The following IL17RE variants were observed in gnomAD, a reference collection of about 807,000 sequenced individuals.
IL17RE encodes the protein interleukin-17 receptor E.
Under a neutral mutation model 70.7 loss-of-function variants are expected in IL17RE, and 47 were observed. The ratio of observed to expected loss-of-function variants is 0.67; its 90% CI spans 0.53 to 0.85. IL17RE has a LOEUF of 0.85. IL17RE is among the 40% of genes least tolerant of loss of function. The probability of loss-of-function intolerance (pLI) is 0.00; values close to 1 mark genes in which losing one functional copy is unlikely to be tolerated. For synonymous variants in IL17RE, 372 were observed against 381.2 expected (o/e 0.98, Z 0.28); for missense variants, 850 against 893.9 (o/e 0.95, Z 0.63).
At chr3:9,913,382 C>A (rs557471134) in intron 12 of IL17RE, among the ~76,000 whole-genome samples, 7 of 151,084 alleles carry the variant, frequency 4.6e-5, no homozygotes, top group Non-Finnish European at 1.0e-4. Flanking sequence ...CCAGCCTGCA[C>A]GACGGAGCAA....
At chr3:9,902,670 A>G (rs1324569654), upstream of IL17RE, 2 of 1,536,022 alleles carry the variant, frequency 1.3e-6, no homozygotes, top group Non-Finnish European at 1.7e-6. Context: ...TCTCACCCAC[A>G]GCAGGAGCCC....
chr3:9,906,474 T>A lies in IL17RE; in HGVS notation c.366+13T>A. On this transcript the variant is annotated intron_variant, in intron 4 of 15. Coordinates refer to ENST00000383814, the MANE Select transcript of IL17RE (RefSeq NM_153480.2). ...AGCACCTGCTCAGGTACTCTCCCTG[T>A]CAGTTCCAGCCCTACCTGACGCCCC... The A allele has an allele frequency of 4.4e-6, 7 of 1,587,432 alleles. No homozygotes were observed. The highest frequency in any genetic ancestry group is 6.1e-6 in the Non-Finnish European group (7 of 1,156,136).
rs1360391282 is a variant in IL17RE, at chr3:9,909,373, A to ACC, written c.802+93_802+94dup. 99 of 1,069,146 alleles carry ACC rather than the reference A, an allele frequency of 9.3e-5. No homozygotes were observed. In the African/African-American group the frequency reaches 9.9e-4, roughly 11 times the overall value. 66.2% of individuals were successfully genotyped at this position (1,069,146 alleles called of 1,614,324 possible). ...CACATGTACACACACACACACACAC[A>ACC]CCCCGCACTTCACACATGTGCTGGG... On this transcript the variant is annotated intron_variant, in intron 8 of 15. Transcript: ENST00000383814.
Position 9,914,566 on chromosome 3 carries a change from C to T in IL17RE, c.1315C>T (p.Gln439Ter), listed in dbSNP as rs2082967947. Residue 439 changes from glutamine (Q) to a stop codon, truncating the protein, a stop_gained, in exon 14 of 16, where the codon CAG becomes TAG. Coordinates refer to ENST00000383814, the MANE Select transcript of IL17RE (RefSeq NM_153480.2). LOFTEE classifies it high-confidence loss of function. ...CCCTCAGGTGTGGCGGTCAGATGTC[C>T]AGTTTGCCTGGAAGCACCTCTTGTG... Reference protein sequence around the residue: ...CCVLVWRSDVQFAWKHLLCPD... With the variant: ...CCVLVWRSDV 6.2e-7 allele frequency: 1 copy of T among 1,613,860 alleles called. No individual in the cohort carries two copies. Among genetic ancestry groups the T allele is most frequent in the African/African-American group, 1.3e-5 (1 of 74,930 alleles).
At chr3:9,905,833 T>C (rs1188282065) in intron 3 of IL17RE, among the ~76,000 whole-genome samples, 2 of 151,468 alleles carry the variant, frequency 1.3e-5, no homozygotes, top group Admixed American at 6.6e-5. Context: ...AAAATAAAAA[T>C]TAAAGAATGC....
At chr3:9,908,006 A>G (rs1043923923) in intron 6 of IL17RE, among the ~76,000 whole-genome samples, 4 of 152,212 alleles carry the variant, frequency 2.6e-5, no homozygotes, top group African/African-American at 4.8e-5. Flanking sequence ...TAGGGCCTCA[A>G]TAAAGGAATG....
chr3:9,909,449 A>G (rs2125083544), intron 8 of IL17RE, 166 bp downstream of exon 8: 1 of 658,978 alleles, frequency 1.5e-6, no homozygotes, highest in Admixed American at 2.4e-5. Flanking sequence ...AGTGGGGGGA[A>G]AAGGGCTGCC....
intron 12 of IL17RE, among the ~76,000 whole-genome samples, chr3:9,912,205 G>T (rs934474896): frequency 7.9e-5 from 12 of 152,254 alleles, no homozygotes; most frequent in African/African-American, 2.9e-4. Context: ...AATGCCTGAT[G>T]ATCTAAGGTG....
intron 12 of IL17RE, among the ~76,000 whole-genome samples, chr3:9,913,031 A>T (rs993185662): frequency 2.6e-5 from 4 of 152,250 alleles, no homozygotes; most frequent in African/African-American, 4.8e-5. Flanking sequence ...TAGTTTATTT[A>T]AAAAGACATT....
At chr3:9,910,621 G>C (rs903441956) in intron 8 of IL17RE, among the ~76,000 whole-genome samples, 2 of 152,160 alleles carry the variant, frequency 1.3e-5, no homozygotes, top group African/African-American at 4.8e-5. Context: ...GGACACAGAG[G>C]TTGCAGTGAG....
rs769130855 is a variant in IL17RE at position 9,914,589 on chromosome 3, G to A, written c.1338G>A (p.Leu446=). ...SDVQFAWKHL[L]CPDVSYRHLG... The stretch of plus-strand genomic sequence containing the variant: ...TCCAGTTTGCCTGGAAGCACCTCTT[G>A]TGTCCGGATGGTGAGTTCTTGGGGA... The change falls in exon 14 of 16, where the codon TTG becomes TTA. Residue 446 remains leucine, a synonymous_variant. Transcript: ENST00000383814. 1 of 1,614,008 alleles carries A rather than the reference G, an allele frequency of 6.2e-7. No homozygotes were observed. Among genetic ancestry groups the A allele is most frequent in the South Asian group, 1.1e-5 (1 of 91,078 alleles).
chr3:9,914,365 C>T (rs2082960851), intron 13 of IL17RE, 183 bp from the exon 14 acceptor site: 1 of 1,461,604 alleles, frequency 6.8e-7, no homozygotes, highest in Non-Finnish European at 9.0e-7. Context: ...GCCCCTGTCA[C>T]ACTTGAGTTT....
intron 15 of IL17RE, 130 bp downstream of exon 15, chr3:9,914,907 C>A: frequency 1.3e-6 from 1 of 788,602 alleles, no homozygotes; most frequent in Non-Finnish European, 2.0e-6. Flanking sequence ...GAGCCTCAGG[C>A]CCCCAAGTGA....
intron 6 of IL17RE, among the ~76,000 whole-genome samples, chr3:9,907,896 T>C (rs2082796991): frequency 6.6e-6 from 1 of 152,182 alleles, no homozygotes. Context: ...CAGCTTATCA[T>C]TTTTATAACA....
chr3:9,909,302 C>T lies in IL17RE; in HGVS notation c.802+19C>T, dbSNP rs749867382. 1 of 1,600,658 alleles carries T rather than the reference C, an allele frequency of 6.2e-7. No individual in the cohort carries two copies. Among genetic ancestry groups the T allele is most frequent in the African/African-American group, 1.3e-5 (1 of 74,766 alleles). The stretch of plus-strand genomic sequence containing the variant: ...GAAGCCTGTGAGTGCTGTTGACACG[C>T]ACCCTTGTGCACACACATCCCCTTT... On this transcript the variant is annotated intron_variant, in intron 8 of 15. Coordinates refer to ENST00000383814, the MANE Select transcript of IL17RE (RefSeq NM_153480.2).
In IL17RE at chr3:9,914,983, CA is replaced by C. The variant is rs766876277; in HGVS notation, c.1447+210del. On this transcript the variant is annotated intron_variant, in intron 15 of 15. Transcript: ENST00000383814. Reference sequence around the variant, plus strand: ...ATTGTCACTGTACTGAGTCTCTGTACAAAAGGCTAGTGGGGCAGAAATCCAG... The same window carrying C: ...ATTGTCACTGTACTGAGTCTCTGTACAAAGGCTAGTGGGGCAGAAATCCAG... 3.5e-4 allele frequency among the ~76,000 whole-genome samples: 54 copies of C among 152,238 alleles called. 1 individual carries two copies. Among genetic ancestry groups the C allele is most frequent in the Non-Finnish European group, 1.8e-4 (12 of 68,034 alleles).
At position 9,910,861 on chromosome 3, in the gene IL17RE, C is replaced by T. The variant is rs1408190921; in HGVS notation, c.803-4C>T. 6.2e-7 allele frequency: 1 copy of T among 1,612,934 alleles called. No individual in the cohort carries two copies. The highest frequency in any genetic ancestry group is 8.5e-7 in the Non-Finnish European group (1 of 1,179,354). Reference sequence around the variant, plus strand: ...CTCACCCACTGACCCTGCCACCTGCCCAGATGGCTCGGACTTCTGGAAGTC... The same window carrying T: ...CTCACCCACTGACCCTGCCACCTGCTCAGATGGCTCGGACTTCTGGAAGTC... On this transcript the variant is annotated splice_region_variant and splice_polypyrimidine_tract_variant and intron_variant, in intron 8 of 15. Coordinates refer to ENST00000383814, the MANE Select transcript of IL17RE (RefSeq NM_153480.2).
Position 9,915,643 on chromosome 3 carries a change from C to A in IL17RE, c.1840C>A (p.Arg614Ser). The A allele has an allele frequency of 7.1e-7, 1 of 1,409,888 alleles. No individual in the cohort carries two copies. 87.3% of individuals were successfully genotyped at this position (1,409,888 alleles called of 1,614,324 possible). A position where few individuals can be genotyped will look rare whatever the true frequency, so the allele number is the denominator to read the frequency against. ...GCCGCTGCGCGCCCTGCCGCGCTACCGCCTGCTGCGCGACCTGCCGCGTCT... is the reference window on the plus strand; with the variant it reads ...GCCGCTGCGCGCCCTGCCGCGCTACAGCCTGCTGCGCGACCTGCCGCGTCT... ...PPPLRALPRY[R>S]LLRDLPRLLR... is the part of the protein sequence containing the mutation. Residue 614 changes from arginine to serine, a missense_variant, in exon 16 of 16, where the codon CGC (arginine) becomes AGC (serine). Transcript: ENST00000383814. This position sits in a 1 kb window ranked among gnomAD's most constrained non-coding sequence, Gnocchi z 4.9.
rs779085737 is a variant in IL17RE at position 9,903,419 on chromosome 3, C to T, written c.148+7C>T. ...CAGGATGACAGTTTCACTGGTGAGT[C>T]GCATTTCCTGCCCCATTGCTCCTCC... On this transcript the variant is annotated splice_region_variant and intron_variant, in intron 2 of 15. Coordinates refer to ENST00000383814, the MANE Select transcript of IL17RE (RefSeq NM_153480.2). 2.5e-5 allele frequency: 41 copies of T among 1,613,880 alleles called. No individual in the cohort carries two copies. The highest frequency in any genetic ancestry group is 1.3e-4 in the Admixed American group (8 of 59,998).
Sources: gnomAD v4.1 joint callset for allele counts (sites outside exome capture counted in the v4.1 genomes callset) on GRCh38, gnomAD v4.1.1 for gene constraint, Gnocchi (gnomAD v3.1) non-coding constraint, MANE v1.5 for transcripts, NCBI Gene and HGNC (gene_info 2026-07-23, HGNC 2026-07-21) for gene names.